Variants in COL15A1 observed in about 807,000 individuals in gnomAD.
The protein encoded by COL15A1 is collagen type XV alpha 1 chain.
Under a neutral mutation model 165.9 loss-of-function variants are expected in COL15A1, and 111 were observed. That is an observed-to-expected ratio of 0.67 (90% CI 0.57 to 0.78). The LOEUF (loss-of-function observed/expected upper bound fraction) is 0.78. Among genes scored for constraint, COL15A1 ranks in the 30% least tolerant of loss-of-function variants. The probability of loss-of-function intolerance (pLI) is 0.00; values close to 1 mark genes in which losing one functional copy is unlikely to be tolerated. For missense variants in COL15A1, 1,745 were observed against 1,789.7 expected (o/e 0.98, Z 0.45); for synonymous variants, 659 against 674.8 (o/e 0.98, Z 0.36).
intron 9 of COL15A1, among the ~76,000 whole-genome samples, chr9:99,007,525 C>T (rs1316824333): frequency 6.6e-6 from 1 of 152,056 alleles, no homozygotes. Flanking sequence ...CAGGTAGGTC[C>T]CATGTTATTA....
chr9:99,035,543 C>T (rs565259079), intron 19 of COL15A1, 125 bp downstream of exon 19: 1 of 1,140,202 alleles, frequency 8.8e-7, no homozygotes, highest in East Asian at 2.4e-5. Flanking sequence ...CTCCAGCCCC[C>T]AACTGTGCAA....
intron 11 of COL15A1, 32 bp from the exon 12 acceptor site, chr9:99,020,357 G>A (rs775498579): frequency 6.4e-7 from 1 of 1,562,610 alleles, no homozygotes; most frequent in Admixed American, 1.7e-5. Context: ...AATATGTTGT[G>A]GCCACGTTTT....
At chr9:99,040,099 A>G (rs1839374725) in intron 22 of COL15A1, among the ~76,000 whole-genome samples, 1 of 152,206 alleles carries the variant, frequency 6.6e-6, no homozygotes, top group Admixed American at 6.5e-5. Flanking sequence ...AATCCAAAAT[A>G]CCTCAATAAT....
At chr9:98,965,401 T>A (rs1837939724) in intron 2 of COL15A1, among the ~76,000 whole-genome samples, 1 of 152,190 alleles carries the variant, frequency 6.6e-6, no homozygotes, top group African/African-American at 2.4e-5. Context: ...GCTTCAGTCA[T>A]CTCATCTGAA....
chr9:99,035,144 T>A lies in COL15A1; in HGVS notation c.2210T>A (p.Leu737His). ...GPPGPGCTMG[L>H]GFEDTEGSGS... is the part of the protein sequence containing the mutation. ...CCAGGCCCTGGATGCACAATGGGAC[T>A]TGGATTCGAGGTACTTTTCCCCTTT... The change falls in exon 18 of 42, where the codon CTT becomes CAT. Residue 737 changes from leucine to histidine, a missense_variant. Physicochemically the swap from Leu to His is moderately conservative, Grantham distance 99. Coordinates refer to ENST00000375001, the MANE Select transcript of COL15A1 (RefSeq NM_001855.5). 1 of 1,595,366 alleles carries A rather than the reference T, an allele frequency of 6.3e-7. No individual in the cohort carries two copies. Among genetic ancestry groups the A allele is most frequent in the African/African-American group, 1.4e-5 (1 of 73,666 alleles).
chr9:99,052,559 G>A, intron 31 of COL15A1, 126 bp downstream of exon 31: 1 of 798,776 alleles, frequency 1.3e-6, no homozygotes, highest in Non-Finnish European at 2.2e-6. Context: ...TGTAGGGGTG[G>A]GGATGGCAGC....
At chr9:98,988,759 CA>C (rs1838361382) in intron 4 of COL15A1, among the ~76,000 whole-genome samples, 1 of 151,952 alleles carries the variant, frequency 6.6e-6, no homozygotes, top group African/African-American at 2.4e-5. Flanking sequence ...CCCATCTCTA[CA>C]AAAAATACAA....
At chr9:98,963,382 G>A (rs1028952753) in intron 2 of COL15A1, among the ~76,000 whole-genome samples, 5 of 152,300 alleles carry the variant, frequency 3.3e-5, no homozygotes, top group Admixed American at 6.5e-5. Context: ...AATTGCAGAC[G>A]GGAAGATGGA....
At chr9:98,978,343 C>T (rs1459446900) in intron 2 of COL15A1, among the ~76,000 whole-genome samples, 1 of 152,178 alleles carries the variant, frequency 6.6e-6, no homozygotes, top group African/African-American at 2.4e-5. Context: ...TAACCTGGCC[C>T]TGGATCCCTC....
At chr9:98,990,104 CATGCAGCAGAGCTGTGG>C (rs1490296873) in intron 5 of COL15A1, among the ~76,000 whole-genome samples, 4 of 152,218 alleles carry the variant, frequency 2.6e-5, no homozygotes, top group Non-Finnish European at 4.4e-5. Context: ...CAGGGCTGTG[CATGCAGCAGAGCTGTGG>C]ATGCAGCAGA....
chr9:99,022,243 C>G (rs1839040464), intron 13 of COL15A1, 93 bp downstream of exon 13: 3 of 1,535,508 alleles, frequency 2.0e-6, no homozygotes, highest in Non-Finnish European at 2.7e-6. Context: ...CTTTTTGGCC[C>G]CCAAAGTATC....
At chr9:99,032,288 C>T (rs1051756363) in intron 16 of COL15A1, among the ~76,000 whole-genome samples, 2 of 152,084 alleles carry the variant, frequency 1.3e-5, no homozygotes, top group Non-Finnish European at 2.9e-5. Context: ...CTCCTGGGTT[C>T]AAACGATTCT....
intron 5 of COL15A1, among the ~76,000 whole-genome samples, chr9:98,994,138 G>A (rs1278705668): frequency 3.7e-5 from 5 of 136,346 alleles, no homozygotes; most frequent in Non-Finnish European, 6.4e-5. Flanking sequence ...ATGGGGGGTT[G>A]GGGAGGCACT....
In COL15A1 at chr9:99,063,112, A is replaced by C; in HGVS notation, c.3651+3A>C. The C allele has an allele frequency of 6.3e-7, 1 of 1,584,430 alleles. No individual in the cohort carries two copies. The highest frequency in any genetic ancestry group is 1.2e-5 in the South Asian group (1 of 84,680). On this transcript the variant is annotated splice_donor_region_variant and intron_variant, in intron 39 of 41. Transcript: ENST00000375001. ...GTGCCAATTATGAGAAGCCTGCTGT[A>C]AGTACAATTTATACATTTAATCTTC...
At chr9:98,976,423 A>G (rs756235951) in intron 2 of COL15A1, among the ~76,000 whole-genome samples, 10 of 152,248 alleles carry the variant, frequency 6.6e-5, no homozygotes, top group Non-Finnish European at 1.3e-4. Flanking sequence ...GGTCACAGAC[A>G]GAGTCTTGAA....
chr9:99,005,599 A>G (rs911364341), intron 9 of COL15A1, among the ~76,000 whole-genome samples: 1 of 152,022 alleles, frequency 6.6e-6, no homozygotes, highest in Non-Finnish European at 1.5e-5. Context: ...CACTCCTCCT[A>G]TGTTCCCACC....
chr9:99,045,874 G>T (rs1274038894), intron 26 of COL15A1, among the ~76,000 whole-genome samples: 1 of 152,250 alleles, frequency 6.6e-6, no homozygotes, highest in African/African-American at 2.4e-5. Context: ...TGGATCTCAG[G>T]TGTGGGGAGA....
chr9:98,955,864 T>TA lies in COL15A1; in HGVS notation c.100+11615dup, dbSNP rs1164717644. ...CCTCTCCAACTACAATCTTAGTGGC[T>TA]AGCTAGTTCTGACTTGATTGTCTAG... On this transcript the variant is annotated intron_variant, in intron 2 of 41. Transcript: ENST00000375001. 5.3e-5 allele frequency among the ~76,000 whole-genome samples: 8 copies of TA among 152,226 alleles called. No individual in the cohort carries two copies. In the South Asian group the frequency reaches 1.7e-3, roughly 32 times the overall value.
chr9:99,002,819 A>G lies in COL15A1; in HGVS notation c.1066-634A>G, dbSNP rs138848500. ...ATCCTGCAGCAAGGAAATCTTTTTA[A>G]CTTTGATTAGCCTGGTGTTTTTTGT... On this transcript the variant is annotated intron_variant, in intron 7 of 41. Transcript: ENST00000375001. Among the ~76,000 whole-genome samples, 575 of 152,334 alleles carry G rather than the reference A, an allele frequency of 3.8e-3. 1 individual carries two copies. The highest frequency in any genetic ancestry group is 7.6e-3 in the Admixed American group (116 of 15,304).
Sources: gnomAD v4.1 joint callset for allele counts (sites outside exome capture counted in the v4.1 genomes callset) on GRCh38, gnomAD v4.1.1 for gene constraint, MANE v1.5 for transcripts, NCBI Gene and HGNC (gene_info 2026-07-23, HGNC 2026-07-21) for gene names.